PLXNA4: variants seen among roughly 807,000 people sequenced by gnomAD.
The protein encoded by PLXNA4 is plexin A4, also known as plexin-A4.
A neutral mutation model predicts 191.8 loss-of-function variants in PLXNA4; 44 were observed. That is an observed-to-expected ratio of 0.23 (90% CI 0.18 to 0.29). PLXNA4 has a LOEUF of 0.29. PLXNA4 is among the 10% of genes least tolerant of loss of function. The pLI is 1.00. For synonymous variants in PLXNA4, 1,082 were observed against 1,009.5 expected (o/e 1.07, Z -1.36); for missense variants, 1,800 against 2,488.8 (o/e 0.72, Z 5.89).
chr7:132,354,862 T>A (rs541613741), intron 3 of PLXNA4, among the ~76,000 whole-genome samples: 1 of 152,332 alleles, frequency 6.6e-6, no homozygotes, highest in Admixed American at 6.5e-5. Context: ...CTGAGCCCCT[T>A]TTCAGCATGA....
Position 132,264,997 on chromosome 7 carries a change from T to C in PLXNA4, c.1504-23831A>G, listed in dbSNP as rs553164466. Among the ~76,000 whole-genome samples the C allele has an allele frequency of 1.3e-4, 20 of 152,294 alleles. No individual in the cohort carries two copies. In the East Asian group the frequency reaches 3.1e-3, roughly 24 times the overall value. ...GCATGAGCCACTGCACCCAGCCCTG[T>C]CTGTCCCTTTTAATGCTAATAGAGA... On this transcript the variant is annotated intron_variant, in intron 4 of 31. Coordinates refer to ENST00000321063, the MANE Select transcript of PLXNA4 (RefSeq NM_020911.2).
In PLXNA4 at chr7:132,359,921, T is replaced by A. The variant is rs139342187; in HGVS notation, c.1372-61699A>T. ...GAGCAGTGACCTAATCAAGATGGCA[T>A]AATTGCCTGTCTTATCTAAATGAAA... On this transcript the variant is annotated intron_variant, in intron 3 of 31. Transcript: ENST00000321063. Among the ~76,000 whole-genome samples the A allele has an allele frequency of 2.1e-3, 323 of 152,362 alleles. 1 individual carries two copies. Among genetic ancestry groups the A allele is most frequent in the African/African-American group, 7.6e-3 (316 of 41,588 alleles).
At chr7:132,484,332 G>C (rs1797454818) in intron 3 of PLXNA4, among the ~76,000 whole-genome samples, 1 of 152,186 alleles carries the variant, frequency 6.6e-6, no homozygotes, top group Admixed American at 6.5e-5. Context: ...GTCTGTCTGT[G>C]GTTGAACGTG....
intron 4 of PLXNA4, among the ~76,000 whole-genome samples, chr7:132,253,762 C>T (rs376813875): frequency 2.1e-4 from 32 of 150,748 alleles, no homozygotes; most frequent in Admixed American, 1.4e-3. Flanking sequence ...GTCACCTGTC[C>T]GCCCAGAAGC....
chr7:132,430,075 C>T (rs959080753), intron 3 of PLXNA4, among the ~76,000 whole-genome samples: 2 of 152,156 alleles, frequency 1.3e-5, no homozygotes, highest in African/African-American at 2.4e-5. Flanking sequence ...TAATAAGAGA[C>T]CAACATCCTG....
At chr7:132,198,778 C>G in intron 12 of PLXNA4, 142 bp from the exon 13 acceptor site, 1 of 1,314,796 alleles carries the variant, frequency 7.6e-7, no homozygotes, top group Non-Finnish European at 1.0e-6. Flanking sequence ...GCACCCAAAG[C>G]CTGCGGTAAT....
intron 2 of PLXNA4, among the ~76,000 whole-genome samples, chr7:132,499,327 A>G (rs1381987362): frequency 6.6e-6 from 1 of 152,256 alleles, no homozygotes; most frequent in Non-Finnish European, 1.5e-5. Context: ...TACCAAGAGA[A>G]TTGAAATTCT....
intron 2 of PLXNA4, among the ~76,000 whole-genome samples, chr7:132,608,137 A>T (rs997963925): frequency 5.3e-5 from 8 of 150,696 alleles, no homozygotes; most frequent in Admixed American, 1.3e-4. Flanking sequence ...CATCATCATC[A>T]CTATCACCAT....
intron 29 of PLXNA4, among the ~76,000 whole-genome samples, chr7:132,141,162 C>G (rs577407768): frequency 3.2e-4 from 49 of 152,290 alleles, no homozygotes; most frequent in Non-Finnish European, 6.2e-4. Flanking sequence ...ATTTCTAACT[C>G]TCTGTCTGTC....
chr7:132,362,342 A>G (rs1803978808), intron 3 of PLXNA4, among the ~76,000 whole-genome samples: 1 of 152,190 alleles, frequency 6.6e-6, no homozygotes, highest in Non-Finnish European at 1.5e-5. Flanking sequence ...GACCATAAGC[A>G]CTCATTTCTG....
chr7:132,641,123 G>T (rs1247612757), intron 2 of PLXNA4, among the ~76,000 whole-genome samples: 1 of 152,156 alleles, frequency 6.6e-6, no homozygotes, highest in South Asian at 2.1e-4. Context: ...TTCCATGCTT[G>T]CCTGTGATAC....
At chr7:132,619,374 A>T (rs904744736) in intron 2 of PLXNA4, among the ~76,000 whole-genome samples, 1 of 152,216 alleles carries the variant, frequency 6.6e-6, no homozygotes, top group African/African-American at 2.4e-5. Context: ...CAAAAAGATT[A>T]ACTGCCAGAT....
At chr7:132,366,330 C>G (rs745796266) in intron 3 of PLXNA4, among the ~76,000 whole-genome samples, 1 of 152,040 alleles carries the variant, frequency 6.6e-6, no homozygotes, top group Non-Finnish European at 1.5e-5. Context: ...TTGAGACCAG[C>G]CTGGCCAACA....
intron 3 of PLXNA4, among the ~76,000 whole-genome samples, chr7:132,344,609 G>A (rs1055679175): frequency 1.3e-5 from 2 of 152,124 alleles, no homozygotes; most frequent in South Asian, 2.1e-4. Flanking sequence ...AAACCTCCTG[G>A]AGGTTTAGCT....
intron 4 of PLXNA4, among the ~76,000 whole-genome samples, chr7:132,284,681 C>T (rs1275816209): frequency 5.3e-5 from 8 of 152,170 alleles, no homozygotes; most frequent in Non-Finnish European, 8.8e-5. Flanking sequence ...CTGGTCTGCT[C>T]TCGGTCACTC....
At chr7:132,563,496 C>G (rs1801475334) in intron 1 of PLXNA4, among the ~76,000 whole-genome samples, 1 of 77,226 alleles carries the variant, frequency 1.3e-5, no homozygotes, top group Non-Finnish European at 2.7e-5. Flanking sequence ...CCTCCTCCTT[C>G]TCCTCCTCCT....
chr7:132,134,508 T>G (rs1325312590), intron 30 of PLXNA4, among the ~76,000 whole-genome samples: 1 of 152,194 alleles, frequency 6.6e-6, no homozygotes, highest in Non-Finnish European at 1.5e-5. Flanking sequence ...ACAGTGGTAC[T>G]GGGATTGCAG....
Position 132,636,385 on chromosome 7 carries a change from A to T in PLXNA4, c.-87+9543T>A, listed in dbSNP as rs146555601. 6.1e-3 allele frequency among the ~76,000 whole-genome samples: 932 copies of T among 152,260 alleles called. 10 individuals carry two copies. Among genetic ancestry groups the T allele is most frequent in the African/African-American group, 0.02 (850 of 41,538 alleles). ...TGGACTTCTAGCCACATGGGTTGGGAGATCCCCTGTAGTCTGATGTTTCAT... is the reference window on the plus strand; with the variant it reads ...TGGACTTCTAGCCACATGGGTTGGGTGATCCCCTGTAGTCTGATGTTTCAT... On this transcript the variant is annotated intron_variant, in intron 2 of 4. Coordinates refer to the PLXNA4 transcript ENST00000378539.
chr7:132,363,976 AC>A (rs1216883303), intron 3 of PLXNA4, among the ~76,000 whole-genome samples: 1 of 152,260 alleles, frequency 6.6e-6, no homozygotes, highest in Non-Finnish European at 1.5e-5. Context: ...TCAGCAGAGC[AC>A]CAGGGTGGAG....
Sources: gnomAD v4.1 joint callset for allele counts (sites outside exome capture counted in the v4.1 genomes callset) on GRCh38, gnomAD v4.1.1 for gene constraint, MANE v1.5 for transcripts, NCBI Gene and HGNC (gene_info 2026-07-23, HGNC 2026-07-21) for gene names.